Variants in GUCY2D observed in about 807,000 individuals in gnomAD.
GUCY2D encodes the protein guanylate cyclase 2D, retinal, also known as retinal guanylyl cyclase 1.
In GUCY2D, 70 loss-of-function variants were observed where a neutral mutation model predicts 101.3. That is an observed-to-expected ratio of 0.69 (90% CI 0.57 to 0.84). The LOEUF is 0.84. Ranked by LOEUF, GUCY2D falls within the 40% of genes least tolerant of loss-of-function variation. The probability of loss-of-function intolerance (pLI) is 0.00; values close to 1 mark genes in which losing one functional copy is unlikely to be tolerated. For missense variants in GUCY2D, 1,460 were observed against 1,542.5 expected (o/e 0.95, Z 0.90); for synonymous variants, 688 against 670.7 (o/e 1.03, Z -0.40).
chr17:8,016,740 G>C, intron 19 of GUCY2D, 186 bp downstream of exon 19: 1 of 582,562 alleles, frequency 1.7e-6, no homozygotes, highest in Non-Finnish European at 3.1e-6. Flanking sequence ...ATCTGGAGTG[G>C]TTTGGAAATC....
Position 8,004,917 on chromosome 17 carries a change from G to A in GUCY2D, c.1026+761G>A, listed in dbSNP as rs9912176. Among the ~76,000 whole-genome samples the A allele has an allele frequency of 6.0e-4, 91 of 152,254 alleles. 1 individual carries two copies. Among genetic ancestry groups the A allele is most frequent in the African/African-American group, 2.2e-3 (90 of 41,550 alleles). ...GATTGGAGGTGTCCAATGGAGGGGG[G>A]AGGGGTGCAGTGATGGGAATAGTCA... is the stretch of plus-strand genomic sequence containing the variant. On this transcript the variant is annotated intron_variant, in intron 3 of 19. Coordinates refer to ENST00000254854, the MANE Select transcript of GUCY2D (RefSeq NM_000180.4).
Position 8,012,539 on chromosome 17 carries a change from C to T in GUCY2D, c.2046C>T (p.Ile682=), listed in dbSNP as rs772640099. 2.5e-6 allele frequency: 4 copies of T among 1,613,864 alleles called. No individual in the cohort carries two copies. The Admixed American group carries it at 5.0e-5, about 20-fold the overall frequency. ...CIVDGRFVLK[I]TDHGHGRLLE... is the part of the protein sequence containing the mutation. ...TGGATGGCAGATTCGTACTCAAGAT[C>T]ACTGACCACGGCCACGGGAGACTGC... The change falls in exon 10 of 20, where the codon ATC becomes ATT. Residue 682 remains isoleucine (I), a synonymous_variant. Coordinates refer to ENST00000254854, the MANE Select transcript of GUCY2D (RefSeq NM_000180.4).
chr17:8,014,502 C>A lies in GUCY2D; in HGVS notation c.2413-99C>A. On this transcript the variant is annotated intron_variant, in intron 12 of 19. Transcript: ENST00000254854. This position sits in a 1 kb window ranked among gnomAD's most constrained non-coding sequence, Gnocchi z 4.0. ...GAATGGTGGCAGCGGGGTTGGGGTT[C>A]AGAGTGAACAGCCCCATGAGAGGGC... 1 of 1,125,912 alleles carries A rather than the reference C, an allele frequency of 8.9e-7. No individual in the cohort carries two copies. Among genetic ancestry groups the A allele is most frequent in the Non-Finnish European group, 1.3e-6 (1 of 741,276 alleles). 69.7% of individuals were successfully genotyped at this position (1,125,912 alleles called of 1,614,324 possible). A position where few individuals can be genotyped will look rare whatever the true frequency, so the allele number is the denominator to read the frequency against.
chr17:8,007,856 A>C lies in GUCY2D; in HGVS notation c.1567-75A>C, dbSNP rs1422258042. 4 of 910,354 alleles carry C rather than the reference A, an allele frequency of 4.4e-6. No individual in the cohort carries two copies. The African/African-American group carries it at 6.5e-5, about 15-fold the overall frequency. The allele number at this position is 910,354 out of a possible 1,614,324, so 56.4% of individuals were successfully genotyped here. On this transcript the variant is annotated intron_variant, in intron 6 of 19. Transcript: ENST00000254854. ...CGCCTCCCATCTTTAAATCCCCAAA[A>C]CTCAGCCTGACCTCAACCCAGGACT...
chr17:8,004,597 T>C (rs907381407), intron 3 of GUCY2D, among the ~76,000 whole-genome samples: 1 of 152,078 alleles, frequency 6.6e-6, no homozygotes, highest in African/African-American at 2.4e-5. Flanking sequence ...CCTAGACACC[T>C]TGCAAGAAGC....
In GUCY2D at chr17:8,011,001, C is replaced by T. The variant is rs1361940265; in HGVS notation, c.1750-1143C>T. Among the ~76,000 whole-genome samples, 5 of 151,974 alleles carry T rather than the reference C, an allele frequency of 3.3e-5. No homozygotes were observed. The highest frequency in any genetic ancestry group is 2.1e-4 in the South Asian group (1 of 4,826). ...TGAGGGAGGGTGGGAGTCTCAGACC[C>T]GACTGACACAATGACGTAACGCCAA... On this transcript the variant is annotated intron_variant, in intron 8 of 19. Transcript: ENST00000254854. The surrounding 1 kb of genome is among the most constrained non-coding windows in gnomAD (Gnocchi z 4.3).
Position 8,013,859 on chromosome 17 carries a change from A to G in GUCY2D, c.2264-21A>G. On this transcript the variant is annotated intron_variant, in intron 11 of 19. Transcript: ENST00000254854. The surrounding 1 kb of genome is among the most constrained non-coding windows in gnomAD (Gnocchi z 5.0). ...TTGTGTTCTGGGGGCACTCCCCCTC[A>G]CTGTCCCCTCATGCCTCCAGAAGTG... 1 of 1,611,438 alleles carries G rather than the reference A, an allele frequency of 6.2e-7. No individual in the cohort carries two copies. The highest frequency in any genetic ancestry group is 8.5e-7 in the Non-Finnish European group (1 of 1,177,770).
Position 8,015,654 on chromosome 17 carries a change from A to C in GUCY2D, c.2945-89A>C, listed in dbSNP as rs1349092058. On this transcript the variant is annotated intron_variant, in intron 15 of 19. Transcript: ENST00000254854. Reference sequence around the variant, plus strand: ...AGGCTTATTTGGGGGGCTGGTGGAGATAATGGGTGCGAAGATCCCCCGAGG... The same window carrying C: ...AGGCTTATTTGGGGGGCTGGTGGAGCTAATGGGTGCGAAGATCCCCCGAGG... 9 of 1,208,264 alleles carry C rather than the reference A, an allele frequency of 7.4e-6. No individual in the cohort carries two copies. In the South Asian group the frequency reaches 1.0e-4, roughly 14 times the overall value. The allele number at this position is 1,208,264 out of a possible 1,614,324, so 74.8% of individuals were successfully genotyped here.
rs771764405 is a variant in GUCY2D at position 8,007,077 on chromosome 17, G to A, written c.1396G>A (p.Val466Ile). 6.8e-6 allele frequency: 11 copies of A among 1,614,096 alleles called. No individual in the cohort carries two copies. Among genetic ancestry groups the A allele is most frequent in the Admixed American group, 1.7e-5 (1 of 60,024 alleles). The change falls in exon 5 of 20, where the codon GTC becomes ATC. Residue 466 changes from valine (V) to isoleucine (I), a missense_variant. Transcript: ENST00000254854. ...CCCTTCAGGACTGGAGCCGGGCCTC[G>A]TCTTTCTTGGCTTCCTCCTGGTGGT... Reference protein sequence around the residue: ...ICGGGLEPGLVFLGFLLVVGM... With the variant: ...ICGGGLEPGLIFLGFLLVVGM...
chr17:8,004,020 A>G lies in GUCY2D; in HGVS notation c.890A>G (p.Asn297Ser), dbSNP rs573405328. ...CCGGAGGCCTTGGCCGCACTCGCCAACAGCTCCCAGCTTCGCAGGGCCCAC... is the reference window on the plus strand; with the variant it reads ...CCGGAGGCCTTGGCCGCACTCGCCAGCAGCTCCCAGCTTCGCAGGGCCCAC... ...PGPEALAALA[N>S]SSQLRRAHDA... The change falls in exon 3 of 20, where the codon AAC becomes AGC. Residue 297 changes from asparagine to serine, a missense_variant. Asn to Ser is a conservative substitution (Grantham distance 46, BLOSUM62 1). Around this residue, in one of 3 missense-constraint regions of GUCY2D, gnomAD observed 1,196 missense variants for 1,229.6 expected, o/e 0.97. Coordinates refer to ENST00000254854, the MANE Select transcript of GUCY2D (RefSeq NM_000180.4). The G allele has an allele frequency of 6.2e-7, 1 of 1,612,746 alleles. No individual in the cohort carries two copies. The highest frequency in any genetic ancestry group is 2.2e-5 in the East Asian group (1 of 44,870).
intron 3 of GUCY2D, among the ~76,000 whole-genome samples, chr17:8,005,383 C>T (rs1411265067): frequency 6.6e-6 from 1 of 152,210 alleles, no homozygotes. Flanking sequence ...CTCACAGTGG[C>T]TTCTGTTGCC....
rs1477694818 is a variant in GUCY2D, at chr17:8,014,243, G to T, written c.2412+215G>T. The T allele has an allele frequency of 1.6e-6, 1 of 623,094 alleles. No individual in the cohort carries two copies. Among genetic ancestry groups the T allele is most frequent in the African/African-American group, 1.8e-5 (1 of 54,370 alleles). 38.6% of individuals were successfully genotyped at this position (623,094 alleles called of 1,614,324 possible). A position where few individuals can be genotyped will look rare whatever the true frequency, so the allele number is the denominator to read the frequency against. ...TGGGAGATAGAGTTCTGTCTGGGTG[G>T]GAGGAATATTCAATTCAATTCAAAT... On this transcript the variant is annotated intron_variant, in intron 12 of 19. Transcript: ENST00000254854. This position sits in a 1 kb window ranked among gnomAD's most constrained non-coding sequence, Gnocchi z 4.0.
rs1355636249 is a variant in GUCY2D, at chr17:8,015,947, T to A, written c.3064T>A (p.Leu1022Met). 6.2e-7 allele frequency: 1 copy of A among 1,611,998 alleles called. No homozygotes were observed. Among genetic ancestry groups the A allele is most frequent in the South Asian group, 1.1e-5 (1 of 90,580 alleles). ...CACAGCTTACCGCATCCACGTGAACTTGAGCACTGTGGGGATTCTCCGTGC... is the reference window on the plus strand; with the variant it reads ...CACAGCTTACCGCATCCACGTGAACATGAGCACTGTGGGGATTCTCCGTGC... ...TGLPYRIHVN[L>M]STVGILRALD... Residue 1022 changes from leucine (L) to methionine (M), a missense_variant, in exon 17 of 20, where the codon TTG becomes ATG. Around this residue, in one of 3 missense-constraint regions of GUCY2D, gnomAD observed 215 missense variants for 227.9 expected, o/e 0.94. Transcript: ENST00000254854.
At chr17:8,004,362 A>C (rs1033143373) in intron 3 of GUCY2D, among the ~76,000 whole-genome samples, 3 of 152,296 alleles carry the variant, frequency 2.0e-5, no homozygotes, top group African/African-American at 7.2e-5. Flanking sequence ...TCGACCTCTC[A>C]AGTCCAACAT....
At chr17:8,012,908 T>C (rs2151802699) in intron 10 of GUCY2D, among the ~76,000 whole-genome samples, 195 bp from the exon 11 acceptor site, 1 of 152,324 alleles carries the variant, frequency 6.6e-6, no homozygotes, top group African/African-American at 2.4e-5. Flanking sequence ...CACCACCTTT[T>C]CTGAAGGGCA....
rs141352623 is a variant in GUCY2D at position 8,013,151 on chromosome 17, G to A, written c.2162G>A (p.Arg721His). The change falls in exon 11 of 20, where the codon CGC becomes CAC. Residue 721 changes from arginine to histidine, a missense_variant. Coordinates refer to ENST00000254854, the MANE Select transcript of GUCY2D (RefSeq NM_000180.4). The surrounding 1 kb of genome is among the most constrained non-coding windows in gnomAD (Gnocchi z 5.0). ...PELLRDPALE[R>H]RGTLAGDVFS... ...CTGCTTAGGGACCCAGCCCTGGAGC[G>A]CCGGGGAACGCTGGCCGGCGACGTC... is the stretch of plus-strand genomic sequence containing the variant. The A allele has an allele frequency of 4.3e-5, 69 of 1,613,804 alleles. No individual in the cohort carries two copies. The East Asian group carries it at 9.8e-4, about 23-fold the overall frequency.
At position 8,016,482 on chromosome 17, in the gene GUCY2D, C is replaced by T. The variant is rs754717527; in HGVS notation, c.3264C>T (p.Pro1088=). ...NHGISLQEIP[P]ERRRKLEKAR... ...GCATCAGCCTGCAGGAGATCCCACC[C>T]GAGCGGCGACGGAAGCTGGAGAAGG... The change falls in exon 19 of 20, where the codon CCC becomes CCT. Residue 1088 remains proline, a synonymous_variant. Transcript: ENST00000254854. The T allele has an allele frequency of 6.3e-7, 1 of 1,580,498 alleles. No homozygotes were observed. The highest frequency in any genetic ancestry group is 8.6e-7 in the Non-Finnish European group (1 of 1,163,840).
chr17:8,003,487 T>C lies in GUCY2D; in HGVS notation c.440T>C (p.Leu147Pro). 1 of 1,528,084 alleles carries C rather than the reference T, an allele frequency of 6.5e-7. No individual in the cohort carries two copies. 94.7% of individuals were successfully genotyped at this position (1,528,084 alleles called of 1,614,324 possible). A position where few individuals can be genotyped will look rare whatever the true frequency, so the allele number is the denominator to read the frequency against. ...ELLAEEAGIALVPWGCPWTQA... is the reference protein window; with the variant it reads ...ELLAEEAGIAPVPWGCPWTQA... ...CTCGCCGAAGAAGCCGGGATCGCGC[T>C]GGTGCCCTGGGGCTGCCCCTGGACG... Residue 147 changes from leucine (L) to proline (P), a missense_variant, in exon 2 of 20, where the codon CTG becomes CCG. Transcript: ENST00000254854.
intron 19 of GUCY2D, 33 bp from the exon 20 acceptor site, chr17:8,020,095 T>TG: frequency 6.9e-6 from 1 of 145,548 alleles, no homozygotes; most frequent in South Asian, 2.3e-4. Flanking sequence ...GCGCCTTTTT[T>TG]TTTTTTTTTT....
Sources: gnomAD v4.1 joint callset for allele counts (sites outside exome capture counted in the v4.1 genomes callset) on GRCh38, gnomAD v4.1.1 for gene constraint, gnomAD v4.1.1 regional missense constraint, Gnocchi (gnomAD v3.1) non-coding constraint, MANE v1.5 for transcripts, NCBI Gene and HGNC (gene_info 2026-07-23, HGNC 2026-07-21) for gene names.